CALD1: variants seen among roughly 807,000 people sequenced by gnomAD.
CALD1 encodes caldesmon 1.
CALD1 carries 33 observed loss-of-function variants against 99.9 expected under a neutral mutation model. The ratio of observed to expected loss-of-function variants is 0.33; its 90% CI spans 0.25 to 0.44. The LOEUF (loss-of-function observed/expected upper bound fraction) is 0.44. Ranked by LOEUF, CALD1 falls within the 20% of genes least tolerant of loss-of-function variation. The probability of loss-of-function intolerance (pLI) is 1.00; values close to 1 mark genes in which losing one functional copy is unlikely to be tolerated. For synonymous variants in CALD1, 310 were observed against 325.0 expected (o/e 0.95, Z 0.50); for missense variants, 861 against 962.1 (o/e 0.89, Z 1.39).
chr7:134,868,066 C>T (rs1022375639), intron 3 of CALD1: 3 of 233,234 alleles, frequency 1.3e-5, no homozygotes, highest in Non-Finnish European at 2.5e-5. Context: ...CAATACCTTT[C>T]ACATTGGAAT....
chr7:134,735,533 A>T, the CALD1 span, among the ~76,000 whole-genome samples: 1 of 145,128 alleles, frequency 6.9e-6, no homozygotes, highest in African/African-American at 2.6e-5. Flanking sequence ...CAGGAATGCT[A>T]TTTCTCTCTT....
rs139286937 is a variant in CALD1, at chr7:134,933,827, C to G, written c.1058C>G (p.Ala353Gly). 1.9e-6 allele frequency: 3 copies of G among 1,581,104 alleles called. No homozygotes were observed. Among genetic ancestry groups the G allele is most frequent in the Non-Finnish European group, 2.6e-6 (3 of 1,164,108 alleles). Residue 353 changes from alanine to glycine, a missense_variant, in exon 5 of 15, where the codon GCA becomes GGA. By Grantham distance (60) the Ala-to-Gly change is moderately conservative. Transcript: ENST00000361675. ...ATAAAGGAGGAAGAGAAAAGGGCAG[C>G]AGAGGAGAGGCAGAGGATAAAAGAG... ...QRIKEEEKRA[A>G]EERQRIKEEE...
chr7:134,791,196 ATTTG>A (rs1203700284), intron 1 of CALD1, among the ~76,000 whole-genome samples: 2 of 152,064 alleles, frequency 1.3e-5, no homozygotes, highest in South Asian at 2.1e-4. Context: ...TGGGCACTTT[ATTTG>A]TTTGTTTGTT....
At position 134,909,606 on chromosome 7, in the gene CALD1, C is replaced by T. The variant is rs183618191; in HGVS notation, c.72-19148C>T. ...GCTGAGGCAGGAGAATTGCCTGAAC[C>T]GGTGAGGTGGAAATTGCAGTGAGCC... On this transcript the variant is annotated intron_variant, in intron 3 of 14. Coordinates refer to ENST00000361675, the MANE Select transcript of CALD1 (RefSeq NM_033138.4). 2.3e-3 allele frequency among the ~76,000 whole-genome samples: 352 copies of T among 152,224 alleles called. 4 individuals carry two copies. Among genetic ancestry groups the T allele is most frequent in the African/African-American group, 8.0e-3 (331 of 41,520 alleles).
At chr7:134,891,329 A>G (rs1434631035) in intron 3 of CALD1, 1 of 1,148,198 alleles carries the variant, frequency 8.7e-7, no homozygotes, top group Non-Finnish European at 1.1e-6. Context: ...ATCGCTAAAC[A>G]TGATGGGCTT....
intron 3 of CALD1, among the ~76,000 whole-genome samples, chr7:134,877,947 A>AAAACT (rs1801424388): frequency 2.0e-5 from 3 of 152,152 alleles, no homozygotes; most frequent in Admixed American, 6.6e-5. Flanking sequence ...ATGCATACAA[A>AAAACT]GTAATCCTAT....
chr7:134,898,049 C>T (rs1374252951), intron 3 of CALD1, among the ~76,000 whole-genome samples: 1 of 152,076 alleles, frequency 6.6e-6, no homozygotes, highest in African/African-American at 2.4e-5. Context: ...CTCATCCTCC[C>T]GAGAAGCTGG....
At chr7:134,880,778 C>T (rs932886501) in intron 3 of CALD1, among the ~76,000 whole-genome samples, 3 of 152,176 alleles carry the variant, frequency 2.0e-5, no homozygotes, top group Non-Finnish European at 2.9e-5. Context: ...CCTGCTACTA[C>T]CTTTTAAGAT....
At chr7:134,814,146 T>G (rs995636225) in intron 1 of CALD1, among the ~76,000 whole-genome samples, 4 of 152,138 alleles carry the variant, frequency 2.6e-5, no homozygotes, top group African/African-American at 9.7e-5. Flanking sequence ...GGAATATAGC[T>G]GTGGAGCAAG....
chr7:134,954,698 C>A (rs764302199), intron 9 of CALD1, among the ~76,000 whole-genome samples: 6 of 152,142 alleles, frequency 3.9e-5, no homozygotes, highest in Non-Finnish European at 5.9e-5. Flanking sequence ...GCAGGTGGGA[C>A]AAAGAACAGT....
chr7:134,728,217 G>T, the CALD1 span, among the ~76,000 whole-genome samples: 2 of 151,944 alleles, frequency 1.3e-5, no homozygotes, highest in South Asian at 4.1e-4. Context: ...TCTGATCAAA[G>T]ACAAACTTCA....
intron 3 of CALD1, among the ~76,000 whole-genome samples, chr7:134,910,359 G>A (rs146458949): frequency 1.3e-5 from 2 of 152,280 alleles, no homozygotes; most frequent in African/African-American, 4.8e-5. Context: ...TTTGGCTACA[G>A]CACATGAAAA....
chr7:134,836,460 G>C (rs1198446766), intron 1 of CALD1, among the ~76,000 whole-genome samples: 1 of 152,148 alleles, frequency 6.6e-6, no homozygotes, highest in Non-Finnish European at 1.5e-5. Flanking sequence ...GATGACAGTG[G>C]TAGTGGCAGT....
Position 134,947,711 on chromosome 7 carries a change from T to C in CALD1, c.1736T>C (p.Leu579Pro), listed in dbSNP as rs372350569. 11 of 1,612,338 alleles carry C rather than the reference T, an allele frequency of 6.8e-6. No individual in the cohort carries two copies. The highest frequency in any genetic ancestry group is 9.3e-6 in the Non-Finnish European group (11 of 1,179,230). ...AAGAGGGAGGAGAGAAGGAAGGTCC[T>C]GGAGGAGGAAGAGCAGAGGAGGAAG... is the stretch of plus-strand genomic sequence containing the variant. ...KKKREERRKVLEEEEQRRKQE... is the reference protein window; with the variant it reads ...KKKREERRKVPEEEEQRRKQE... The change falls in exon 8 of 15, where the codon CTG becomes CCG. Residue 579 changes from leucine (L) to proline (P), a missense_variant. Coordinates refer to ENST00000361675, the MANE Select transcript of CALD1 (RefSeq NM_033138.4).
chr7:134,735,565 CTGTGTGTGTGTGTG>C, the CALD1 span, among the ~76,000 whole-genome samples: 50 of 121,336 alleles, frequency 4.1e-4, no homozygotes, highest in Non-Finnish European at 6.7e-4. Flanking sequence ...CCACTACCCT[CTGTGTGTGTGTGTG>C]TGTGTGTGTG....
chr7:134,941,138 T>A lies in CALD1; in HGVS notation c.1433T>A (p.Val478Asp), dbSNP rs1463203080. 1 of 1,612,718 alleles carries A rather than the reference T, an allele frequency of 6.2e-7. No individual in the cohort carries two copies. Among genetic ancestry groups the A allele is most frequent in the South Asian group, 1.1e-5 (1 of 90,884 alleles). The change falls in exon 7 of 15, where the codon GTT (valine) becomes GAT (aspartate). Residue 478 changes from valine to aspartate, a missense_variant. Transcript: ENST00000361675. ...IKKDKEPKEE[V>D]KSFMDRKKGF... ...AAGGACAAAGAACCCAAAGAAGAAG[T>A]TAAGAGCTTCATGGATCGAAAGAAG...
At position 134,935,711 on chromosome 7, in the gene CALD1, G is replaced by A; in HGVS notation, c.1332G>A (p.Val444=). The change falls in exon 6 of 15, where the codon GTG becomes GTA. Residue 444 remains valine (V), a synonymous_variant. Coordinates refer to ENST00000361675, the MANE Select transcript of CALD1 (RefSeq NM_033138.4). ...AGGGAGAAGAGAAGGGAACTAAAGT[G>A]CAAGCTAAAAGAGAAAAGCTCCAAG... ...KKQGEEKGTK[V]QAKREKLQED... is the part of the protein sequence containing the mutation. The A allele has an allele frequency of 6.2e-7, 1 of 1,605,140 alleles. No individual in the cohort carries two copies. The highest frequency in any genetic ancestry group is 8.5e-7 in the Non-Finnish European group (1 of 1,176,338).
chr7:134,721,638 G>A, the CALD1 span, among the ~76,000 whole-genome samples: 6 of 152,004 alleles, frequency 3.9e-5, no homozygotes, highest in Non-Finnish European at 7.4e-5. Flanking sequence ...GGGAAAGACC[G>A]AGGGGGTCTA....
chr7:134,842,024 G>A (rs1799671799), intron 1 of CALD1, among the ~76,000 whole-genome samples: 1 of 152,136 alleles, frequency 6.6e-6, no homozygotes, highest in South Asian at 2.1e-4. Flanking sequence ...GACCCTCAGT[G>A]GACCTCTTTA....
Sources: allele counts gnomAD v4.1 joint callset (sites outside exome capture counted in the v4.1 genomes callset), GRCh38; gene constraint gnomAD v4.1.1; transcripts MANE v1.5; gene names NCBI Gene and HGNC (gene_info 2026-07-23, HGNC 2026-07-21).